CSMD1: variants seen among roughly 807,000 people sequenced by gnomAD.
CSMD1 encodes the protein CUB and Sushi multiple domains 1, also known as CUB and sushi domain-containing protein 1.
CSMD1 carries 213 observed loss-of-function variants against 417.5 expected under a neutral mutation model. The observed-to-expected ratio is 0.51, with a 90% CI of 0.46 to 0.57. CSMD1 has a LOEUF of 0.57. Ranked by LOEUF, CSMD1 falls within the 20% of genes least tolerant of loss-of-function variation. The pLI, the probability that CSMD1 is intolerant of heterozygous loss-of-function variation, is 0.00. For missense variants in CSMD1, 6,923 were observed against 4,529.7 expected (o/e 1.53, Z -15.17); for synonymous variants, 2,862 against 1,736.8 (o/e 1.65, Z -16.11).
chr8:4,825,185 T>C (rs192062765), intron 1 of CSMD1, among the ~76,000 whole-genome samples: 11 of 152,232 alleles, frequency 7.2e-5, no homozygotes, highest in Middle Eastern at 6.8e-3. Flanking sequence ...TCTGACATTT[T>C]TGAAGAGATG....
At chr8:4,112,497 C>A (rs570016033) in intron 3 of CSMD1, among the ~76,000 whole-genome samples, 1 of 152,314 alleles carries the variant, frequency 6.6e-6, no homozygotes, top group South Asian at 2.1e-4. Context: ...AGTGACCCAT[C>A]CTGAATACAG....
At chr8:3,206,892 T>C (rs1478256300) in intron 30 of CSMD1, among the ~76,000 whole-genome samples, 1 of 152,130 alleles carries the variant, frequency 6.6e-6, no homozygotes, top group Non-Finnish European at 1.5e-5. Context: ...GCCAGTACTC[T>C]ATTTCATTAT....
chr8:3,278,734 G>C (rs1312188413), intron 26 of CSMD1: 1 of 152,072 alleles, frequency 6.6e-6, no homozygotes, highest in East Asian at 1.9e-4. Context: ...ACCTACAAAA[G>C]AGTAGTGATG....
chr8:3,679,890 A>G (rs923149500), intron 7 of CSMD1, among the ~76,000 whole-genome samples: 10 of 152,190 alleles, frequency 6.6e-5, no homozygotes, highest in Non-Finnish European at 1.5e-4. Context: ...CTCACTCAAA[A>G]CCACACAACT....
intron 8 of CSMD1, among the ~76,000 whole-genome samples, chr8:3,599,651 G>A (rs1038513733): frequency 2.6e-5 from 4 of 152,142 alleles, no homozygotes; most frequent in Non-Finnish European, 5.9e-5. Flanking sequence ...TTCATCCTAT[G>A]TAACTGCAGC....
chr8:3,438,213 G>A (rs1467877790), intron 12 of CSMD1, among the ~76,000 whole-genome samples: 3 of 152,160 alleles, frequency 2.0e-5, no homozygotes, highest in Non-Finnish European at 2.9e-5. Context: ...ATATGCAGTT[G>A]TAAGAGGTAA....
chr8:4,299,745 C>T (rs186947493), intron 3 of CSMD1, among the ~76,000 whole-genome samples: 3 of 152,184 alleles, frequency 2.0e-5, no homozygotes, highest in East Asian at 3.9e-4. Flanking sequence ...ATTGTCATGC[C>T]TCAGCCTCCC....
chr8:4,348,075 A>C (rs1394958156), intron 3 of CSMD1, among the ~76,000 whole-genome samples: 3 of 152,170 alleles, frequency 2.0e-5, no homozygotes, highest in Admixed American at 6.5e-5. Context: ...AGGCAAAAAC[A>C]AACCAGTGGC....
intron 6 of CSMD1, among the ~76,000 whole-genome samples, chr8:3,727,293 G>A (rs373398466): frequency 6.6e-6 from 1 of 152,184 alleles, no homozygotes; most frequent in African/African-American, 2.4e-5. Context: ...CTTTGAGGCA[G>A]TCAGCTCATC....
At chr8:4,811,222 A>G (rs766529768) in intron 1 of CSMD1, among the ~76,000 whole-genome samples, 2 of 152,180 alleles carry the variant, frequency 1.3e-5, no homozygotes, top group Admixed American at 6.5e-5. Flanking sequence ...ACGAGGTTCA[A>G]CAAGAGAACT....
chr8:3,019,157 A>G (rs1809135597), intron 51 of CSMD1, among the ~76,000 whole-genome samples: 1 of 152,280 alleles, frequency 6.6e-6, no homozygotes, highest in South Asian at 2.1e-4. Flanking sequence ...ACCTCAAGTG[A>G]TCCTCCCACC....
intron 8 of CSMD1, among the ~76,000 whole-genome samples, chr8:3,613,807 C>G (rs756501554): frequency 7.3e-5 from 11 of 151,464 alleles, no homozygotes; most frequent in Non-Finnish European, 1.5e-4. Context: ...AACCAACAAG[C>G]AATGTCATAA....
At chr8:3,519,114 T>A (rs534366935) in intron 10 of CSMD1, among the ~76,000 whole-genome samples, 1 of 152,180 alleles carries the variant, frequency 6.6e-6, no homozygotes, top group Non-Finnish European at 1.5e-5. Context: ...GTGCAAATAT[T>A]TGGGTACTGC....
intron 3 of CSMD1, among the ~76,000 whole-genome samples, chr8:4,132,007 C>T (rs1311635321): frequency 6.6e-6 from 1 of 151,852 alleles, no homozygotes; most frequent in Non-Finnish European, 1.5e-5. Context: ...CTCGTGATCC[C>T]TGTGACTATT....
At chr8:3,444,520 T>A (rs981964540) in intron 12 of CSMD1, among the ~76,000 whole-genome samples, 13 of 152,108 alleles carry the variant, frequency 8.5e-5, no homozygotes, top group African/African-American at 3.1e-4. Flanking sequence ...ATTGGGACAT[T>A]TGGCAATGTC....
intron 2 of CSMD1, among the ~76,000 whole-genome samples, chr8:4,456,080 A>C (rs1799461210): frequency 7.9e-6 from 1 of 126,062 alleles, no homozygotes; most frequent in African/African-American, 3.1e-5. Context: ...AAAAAAAAAA[A>C]AATGTGAAAG....
At chr8:3,405,670 G>A (rs927719970) in intron 15 of CSMD1, among the ~76,000 whole-genome samples, 2 of 152,188 alleles carry the variant, frequency 1.3e-5, no homozygotes, top group Non-Finnish European at 2.9e-5. Context: ...TTTAGACACA[G>A]GGACAGACAC....
At chr8:4,522,724 C>T (rs1223304428) in intron 2 of CSMD1, among the ~76,000 whole-genome samples, 3 of 152,136 alleles carry the variant, frequency 2.0e-5, no homozygotes, top group Admixed American at 6.6e-5. Context: ...CCAACCCCTA[C>T]CCTATCCACA....
At chr8:3,501,530 A>G (rs574641868) in intron 10 of CSMD1, among the ~76,000 whole-genome samples, 1 of 152,236 alleles carries the variant, frequency 6.6e-6, no homozygotes, top group African/African-American at 2.4e-5. Flanking sequence ...GATAATTTAT[A>G]AATGCTTTAA....
Sources: allele counts gnomAD v4.1 joint callset (sites outside exome capture counted in the v4.1 genomes callset), GRCh38; gene constraint gnomAD v4.1.1; transcripts MANE v1.5; gene names NCBI Gene and HGNC (gene_info 2026-07-23, HGNC 2026-07-21).